The following CAST variants were observed in gnomAD, a reference collection of about 807,000 sequenced individuals.
The protein encoded by CAST is MIR583 host.
A neutral mutation model predicts 119.6 loss-of-function variants in CAST; 76 were observed. That is an observed-to-expected ratio of 0.64 (90% CI 0.53 to 0.77). CAST has a LOEUF of 0.77. Ranked by LOEUF, CAST falls within the 30% of genes least tolerant of loss-of-function variation. The pLI is 0.00. For synonymous variants in CAST, 319 were observed against 331.6 expected (o/e 0.96, Z 0.41); for missense variants, 953 against 946.5 (o/e 1.01, Z -0.09).
chr5:96,300,860 G>A, the CAST span, among the ~76,000 whole-genome samples: 2 of 49,356 alleles, frequency 4.1e-5, no homozygotes, highest in Non-Finnish European at 8.0e-5. Flanking sequence ...TTTTTTTTTA[G>A]TAATTGTAAA....
the CAST span, among the ~76,000 whole-genome samples, chr5:96,261,637 C>G: frequency 6.6e-6 from 1 of 152,076 alleles, no homozygotes; most frequent in African/African-American, 2.4e-5. Context: ...GATTAGCATC[C>G]AAGATGGAAT....
intron 1 of CAST, among the ~76,000 whole-genome samples, chr5:96,621,382 TAAAG>T (rs1260289447): frequency 6.6e-6 from 1 of 152,198 alleles, no homozygotes; most frequent in Non-Finnish European, 1.5e-5. Context: ...CATGCTACTA[TAAAG>T]AAATACTCGA....
the CAST span, among the ~76,000 whole-genome samples, chr5:96,175,960 T>C: frequency 6.6e-6 from 1 of 152,226 alleles, no homozygotes; most frequent in African/African-American, 2.4e-5. Context: ...CCTCTAGTAA[T>C]GTTATTTCCT....
At chr5:96,338,625 T>C in the CAST span, among the ~76,000 whole-genome samples, 1 of 152,190 alleles carries the variant, frequency 6.6e-6, no homozygotes, top group Non-Finnish European at 1.5e-5. Flanking sequence ...GAAATGTGAT[T>C]TGGTGGATAG....
the CAST span, among the ~76,000 whole-genome samples, chr5:96,408,576 G>T: frequency 2.0e-5 from 3 of 152,150 alleles, no homozygotes; most frequent in Admixed American, 6.5e-5. Flanking sequence ...CTCCCACTAC[G>T]AATATTTTCT....
the CAST span, among the ~76,000 whole-genome samples, chr5:96,186,702 A>G: frequency 1.3e-5 from 2 of 152,164 alleles, no homozygotes; most frequent in Admixed American, 6.5e-5. Context: ...GATGAAGCCT[A>G]CTTGATCATG....
At chr5:96,385,623 G>A in the CAST span, among the ~76,000 whole-genome samples, 1 of 152,164 alleles carries the variant, frequency 6.6e-6, no homozygotes, top group Non-Finnish European at 1.5e-5. Context: ...CAAAGAAAAT[G>A]TTCAGTTAAC....
At chr5:96,475,641 C>T in the CAST span, among the ~76,000 whole-genome samples, 1 of 152,184 alleles carries the variant, frequency 6.6e-6, no homozygotes, top group African/African-American at 2.4e-5. Context: ...ATTAAGCACA[C>T]AGATTATTTT....
chr5:96,351,821 AG>A, the CAST span, among the ~76,000 whole-genome samples: 1 of 151,978 alleles, frequency 6.6e-6, no homozygotes, highest in African/African-American at 2.4e-5. Flanking sequence ...TTAAGTGCTT[AG>A]GGATAGAGAA....
rs1394522333 is a variant in CAST at position 96,741,729 on chromosome 5, T to G, written c.1098+149T>G. 5.0e-6 allele frequency: 3 copies of G among 604,350 alleles called. No individual in the cohort carries two copies. The African/African-American group carries it at 5.6e-5, about 11-fold the overall frequency. The allele number at this position is 604,350 out of a possible 1,614,324, so 37.4% of individuals were successfully genotyped here. A position where few individuals can be genotyped will look rare whatever the true frequency, so the allele number is the denominator to read the frequency against. Reference sequence around the variant, plus strand: ...GGAATAGTGAAGCCAATGAGGGTTATGTTGATCATCTCCAGGCAAGCCTTG... The same window carrying G: ...GGAATAGTGAAGCCAATGAGGGTTAGGTTGATCATCTCCAGGCAAGCCTTG... On this transcript the variant is annotated intron_variant, in intron 15 of 31. Coordinates refer to ENST00000675179, the MANE Select transcript of CAST (RefSeq NM_001750.7).
At chr5:96,766,952 T>C (rs1036647353) in intron 27 of CAST, among the ~76,000 whole-genome samples, 1 of 152,170 alleles carries the variant, frequency 6.6e-6, no homozygotes, top group African/African-American at 2.4e-5. Flanking sequence ...TTCCTCAAGA[T>C]AGCAATTCCA....
At chr5:96,399,791 G>T in the CAST span, among the ~76,000 whole-genome samples, 5 of 152,056 alleles carry the variant, frequency 3.3e-5, no homozygotes, top group African/African-American at 1.2e-4. Flanking sequence ...TAGAGCTTTG[G>T]TCTCTTAGTT....
chr5:96,024,023 CA>C, the CAST span, among the ~76,000 whole-genome samples: 1 of 152,078 alleles, frequency 6.6e-6, no homozygotes, highest in African/African-American at 2.4e-5. Flanking sequence ...AATTTGCTAA[CA>C]AAAACCACAG....
At chr5:96,021,508 C>T in the CAST span, among the ~76,000 whole-genome samples, 449 of 151,558 alleles carry the variant, frequency 3.0e-3, 4 homozygotes, top group African/African-American at 0.01. Context: ...TGCAGTGGCG[C>T]GATCTCTGCT....
chr5:96,289,651 T>G, the CAST span, among the ~76,000 whole-genome samples: 2 of 152,172 alleles, frequency 1.3e-5, no homozygotes, highest in African/African-American at 4.8e-5. Context: ...CTTTATAAAT[T>G]ACCCAGTCTT....
At chr5:96,662,110 C>T (rs1046740573), upstream of CAST, 24 of 309,800 alleles carry the variant, frequency 7.7e-5, no homozygotes, top group Admixed American at 1.0e-3. Context: ...ACCTCCAACC[C>T]CTTCTTTCTG....
chr5:96,260,956 G>A, the CAST span, among the ~76,000 whole-genome samples: 4 of 152,180 alleles, frequency 2.6e-5, no homozygotes, highest in African/African-American at 4.8e-5. Context: ...GCTTTATTTG[G>A]TTACACAGAG....
chr5:96,297,735 T>A, the CAST span, among the ~76,000 whole-genome samples: 1 of 152,202 alleles, frequency 6.6e-6, no homozygotes, highest in Non-Finnish European at 1.5e-5. Context: ...TTATTCTTTT[T>A]TTTTCTTTAT....
At chr5:96,104,634 G>C in the CAST span, among the ~76,000 whole-genome samples, 2 of 151,576 alleles carry the variant, frequency 1.3e-5, no homozygotes, top group South Asian at 2.1e-4. Flanking sequence ...TTTGGTTACT[G>C]TAGCCTTGTA....
Sources: gnomAD v4.1 joint callset for allele counts (sites outside exome capture counted in the v4.1 genomes callset) on GRCh38, gnomAD v4.1.1 for gene constraint, MANE v1.5 for transcripts, NCBI Gene and HGNC (gene_info 2026-07-23, HGNC 2026-07-21) for gene names.